The following OPCML variants were observed in gnomAD, a reference collection of about 807,000 sequenced individuals.
OPCML encodes the protein opioid-binding protein/cell adhesion molecule.
In OPCML, 13 loss-of-function variants were observed where a neutral mutation model predicts 37.8. The ratio of observed to expected loss-of-function variants is 0.34; its 90% CI spans 0.22 to 0.55. OPCML has a LOEUF of 0.55. OPCML is among the 20% of genes least tolerant of loss of function. The pLI is 0.91. For synonymous variants in OPCML, 176 were observed against 168.8 expected (o/e 1.04, Z -0.33); for missense variants, 341 against 435.6 (o/e 0.78, Z 1.93).
At chr11:133,400,107 C>T (rs142203103) in intron 1 of OPCML, among the ~76,000 whole-genome samples, 79 of 152,266 alleles carry the variant, frequency 5.2e-4, no homozygotes, top group Admixed American at 9.2e-4. Flanking sequence ...AGCTTGGGCT[C>T]CTGCCCATTA....
intron 1 of OPCML, among the ~76,000 whole-genome samples, chr11:133,433,881 C>A (rs1946178087): frequency 6.6e-6 from 1 of 152,196 alleles, no homozygotes; most frequent in African/African-American, 2.4e-5. Flanking sequence ...CTCAAACTTG[C>A]ACTCTAGGGA....
At chr11:133,501,201 C>T (rs1947905424) in intron 1 of OPCML, among the ~76,000 whole-genome samples, 1 of 152,152 alleles carries the variant, frequency 6.6e-6, no homozygotes, top group Non-Finnish European at 1.5e-5. Context: ...ATTCACCCGT[C>T]CAGCTTCTAT....
chr11:132,933,466 A>G (rs528046827), intron 2 of OPCML, among the ~76,000 whole-genome samples: 1 of 152,348 alleles, frequency 6.6e-6, no homozygotes, highest in South Asian at 2.1e-4. Context: ...TTAGGGAGAT[A>G]TTAGTATCTC....
At chr11:132,717,419 T>C (rs1275886705) in intron 2 of OPCML, among the ~76,000 whole-genome samples, 1 of 152,064 alleles carries the variant, frequency 6.6e-6, no homozygotes, top group Non-Finnish European at 1.5e-5. Flanking sequence ...AAGCTGAAAA[T>C]GTCCACAGAA....
At chr11:132,833,883 G>C (rs1266612974) in intron 2 of OPCML, among the ~76,000 whole-genome samples, 12 of 152,184 alleles carry the variant, frequency 7.9e-5, no homozygotes, top group African/African-American at 2.7e-4. Flanking sequence ...CTACAGTTTA[G>C]GGAAGAAGAG....
At chr11:132,939,627 A>G in intron 2 of OPCML, among the ~76,000 whole-genome samples, 1 of 152,206 alleles carries the variant, frequency 6.6e-6, no homozygotes, top group Non-Finnish European at 1.5e-5. Context: ...GTGGACCCAC[A>G]GAAGAACTCA....
At chr11:132,619,732 G>A (rs913499837) in intron 3 of OPCML, among the ~76,000 whole-genome samples, 5 of 149,758 alleles carry the variant, frequency 3.3e-5, no homozygotes, top group African/African-American at 1.2e-4. Flanking sequence ...GGCGCCTGTA[G>A]TCCCAGCTAC....
chr11:133,385,939 C>A (rs1945038341), intron 1 of OPCML, among the ~76,000 whole-genome samples: 3 of 151,712 alleles, frequency 2.0e-5, no homozygotes, highest in African/African-American at 7.3e-5. Context: ...AACATCAAAT[C>A]AAGCAGCAGC....
chr11:133,422,540 G>A lies in OPCML; in HGVS notation c.61+109724C>T, dbSNP rs1039820950. 59 of 966,900 alleles carry A rather than the reference G, an allele frequency of 6.1e-5. No individual in the cohort carries two copies. The African/African-American group carries it at 8.9e-4, about 15-fold the overall frequency. The allele number at this position is 966,900 out of a possible 1,614,324, so 59.9% of individuals were successfully genotyped here. A position where few individuals can be genotyped will look rare whatever the true frequency, so the allele number is the denominator to read the frequency against. ...TTTAGAGACGGGGTCCTGCTCTACC[G>A]CCCAGGCTGGAGTGCAGCGGTGCGA... On this transcript the variant is annotated intron_variant, in intron 1 of 7. Coordinates refer to ENST00000524381, the MANE Select transcript of OPCML (RefSeq NM_001012393.5).
At chr11:133,194,781 C>T (rs1038778021) in intron 1 of OPCML, among the ~76,000 whole-genome samples, 2 of 152,180 alleles carry the variant, frequency 1.3e-5, no homozygotes, top group Admixed American at 6.5e-5. Context: ...TCAGCTTCAT[C>T]CCCACATTTT....
intron 2 of OPCML, among the ~76,000 whole-genome samples, chr11:132,675,006 T>G (rs568623221): frequency 1.3e-5 from 2 of 152,264 alleles, no homozygotes; most frequent in African/African-American, 2.4e-5. Flanking sequence ...CTTGTTCACA[T>G]GAGTAAATTT....
intron 3 of OPCML, among the ~76,000 whole-genome samples, chr11:132,628,365 C>CA (rs904398542): frequency 3.3e-5 from 5 of 151,938 alleles, no homozygotes; most frequent in African/African-American, 1.2e-4. Flanking sequence ...TTACTGGCAA[C>CA]AAAAAAAATT....
At chr11:133,418,944 T>C (rs1413676232) in intron 1 of OPCML, among the ~76,000 whole-genome samples, 1 of 152,188 alleles carries the variant, frequency 6.6e-6, no homozygotes, top group Non-Finnish European at 1.5e-5. Flanking sequence ...ACTCAACAGG[T>C]CCTGTGGCCC....
intron 3 of OPCML, among the ~76,000 whole-genome samples, chr11:132,554,863 G>GTTTTTTTTTTTTT (rs5795789): frequency 7.4e-3 from 475 of 64,056 alleles, no homozygotes; most frequent in East Asian, 0.025. Flanking sequence ...ATGGGGTAAA[G>GTTTTTTTTTTTTT]TTTTTTTTTT....
intron 3 of OPCML, among the ~76,000 whole-genome samples, chr11:132,617,992 C>T (rs1384951869): frequency 6.6e-6 from 1 of 152,220 alleles, no homozygotes; most frequent in African/African-American, 2.4e-5. Context: ...CAGCTTCTTA[C>T]AGCCGCAGTG....
At chr11:132,811,264 G>A (rs1164924944) in intron 2 of OPCML, among the ~76,000 whole-genome samples, 2 of 152,152 alleles carry the variant, frequency 1.3e-5, no homozygotes, top group Non-Finnish European at 2.9e-5. Context: ...ATCCTGCCCA[G>A]ACATAACGAT....
At chr11:133,373,448 T>TATATATATATATACACACAC (rs966091785) in intron 1 of OPCML, among the ~76,000 whole-genome samples, 2 of 132,178 alleles carry the variant, frequency 1.5e-5, no homozygotes, top group African/African-American at 6.3e-5. Flanking sequence ...TATATATATA[T>TATATATATATATACACACAC]ACACACACAC....
chr11:132,767,845 T>C (rs1398040193), intron 2 of OPCML, among the ~76,000 whole-genome samples: 1 of 151,342 alleles, frequency 6.6e-6, no homozygotes, highest in Admixed American at 6.6e-5. Context: ...GAATTAAATA[T>C]GGGGGAAAAA....
chr11:133,517,859 G>T (rs2120673550), intron 1 of OPCML, among the ~76,000 whole-genome samples: 1 of 152,352 alleles, frequency 6.6e-6, no homozygotes, highest in East Asian at 1.9e-4. Context: ...TGACCACTGT[G>T]TGTGCAGAGT....
Sources: allele counts gnomAD v4.1 joint callset (sites outside exome capture counted in the v4.1 genomes callset), GRCh38; gene constraint gnomAD v4.1.1; transcripts MANE v1.5; gene names NCBI Gene and HGNC (gene_info 2026-07-23, HGNC 2026-07-21).